GJB7: variants seen among roughly 807,000 people sequenced by gnomAD.
GJB7 encodes the protein gap junction protein beta 7, also known as gap junction beta-7 protein.
For missense variants in GJB7, 253 were observed against 256.8 expected (o/e 0.99, Z 0.10); for synonymous variants, 87 against 95.2 (o/e 0.91, Z 0.50).
chr6:87,323,261 TTTTGTTTTG>T (rs1367345149), intron 1 of GJB7, among the ~76,000 whole-genome samples: 2 of 126,328 alleles, frequency 1.6e-5, no homozygotes, highest in Non-Finnish European at 3.8e-5. Context: ...GATACTTTTG[TTTTGTTTTG>T]TTTATTTATT....
chr6:87,319,421 C>G (rs1776625978), intron 2 of GJB7, among the ~76,000 whole-genome samples: 1 of 152,198 alleles, frequency 6.6e-6, no homozygotes, highest in Non-Finnish European at 1.5e-5. Flanking sequence ...TGATCACTTT[C>G]TATTGATCAT....
At chr6:87,296,589 T>C (rs1263584746) in intron 2 of GJB7, among the ~76,000 whole-genome samples, 2 of 152,198 alleles carry the variant, frequency 1.3e-5, no homozygotes, top group Non-Finnish European at 2.9e-5. Context: ...GTCTGACAGG[T>C]AATAGGTATT....
At chr6:87,285,645 A>G (rs536719507) in intron 2 of GJB7, among the ~76,000 whole-genome samples, 2 of 152,252 alleles carry the variant, frequency 1.3e-5, no homozygotes, top group South Asian at 2.1e-4. Context: ...TTCTTGATCT[A>G]TCAGTTTTCT....
At chr6:87,297,342 T>C (rs1328165407) in intron 2 of GJB7, among the ~76,000 whole-genome samples, 1 of 152,224 alleles carries the variant, frequency 6.6e-6, no homozygotes, top group Non-Finnish European at 1.5e-5. Flanking sequence ...GATCAATGTC[T>C]CATTGCAATT....
At chr6:87,327,889 C>T (rs1208354520) in intron 1 of GJB7, among the ~76,000 whole-genome samples, 22 of 149,224 alleles carry the variant, frequency 1.5e-4, no homozygotes, top group African/African-American at 5.3e-4. Context: ...CTTTCAGGTA[C>T]ACCAATCAGA....
intron 1 of GJB7, among the ~76,000 whole-genome samples, chr6:87,327,485 A>G (rs1435575685): frequency 1.3e-5 from 2 of 151,400 alleles, no homozygotes; most frequent in African/African-American, 2.4e-5. Context: ...GCTTGTCTGT[A>G]AAGTATTTTA....
At chr6:87,311,106 A>G (rs1270744780) in intron 2 of GJB7, among the ~76,000 whole-genome samples, 1 of 152,242 alleles carries the variant, frequency 6.6e-6, no homozygotes, top group African/African-American at 2.4e-5. Context: ...ACAATGTGCT[A>G]CCACTACACA....
At chr6:87,305,743 A>T (rs1776416526) in intron 2 of GJB7, among the ~76,000 whole-genome samples, 1 of 152,234 alleles carries the variant, frequency 6.6e-6, no homozygotes, top group African/African-American at 2.4e-5. Flanking sequence ...AAAAGAACAA[A>T]GCTGGAGGCA....
At chr6:87,319,155 T>C (rs1433273154) in intron 2 of GJB7, among the ~76,000 whole-genome samples, 1 of 152,214 alleles carries the variant, frequency 6.6e-6, no homozygotes, top group Admixed American at 6.5e-5. Context: ...CCTGGAAATA[T>C]TATTAAATAT....
chr6:87,325,365 C>T (rs2127915544), intron 1 of GJB7, among the ~76,000 whole-genome samples: 1 of 143,578 alleles, frequency 7.0e-6, no homozygotes, highest in African/African-American at 2.7e-5. Context: ...GGGAATGCTT[C>T]CAGTTTTTGC....
At position 87,284,544 on chromosome 6, in the gene GJB7, A is replaced by AGCGTACCATAG; in HGVS notation, c.358_368dup (p.Leu125GlyfsTer35). The AGCGTACCATAG allele has an allele frequency of 6.2e-7, 1 of 1,614,132 alleles. No homozygotes were observed. The highest frequency in any genetic ancestry group is 8.5e-7 in the Non-Finnish European group (1 of 1,180,004). On this transcript the variant is annotated frameshift_variant, in exon 3 of 3. Transcript: ENST00000525899. LOFTEE classifies it low-confidence loss of function (END_TRUNC). ...TTTTAACAATGAGGCTGATAAGATA[A>AGCGTACCATAG]GCGTACCATAGGCCCCCATCCATTG...
rs757769870 is a variant in GJB7 at position 87,284,572 on chromosome 6, C to G, written c.341G>C (p.Gly114Ala). ...GTACCATAGGCCCCCATCCATTGTA[C>G]CTGGGCTGACATAGAGTTTCTTTCT... ...RHRKKLYVSP[G>A]TMDGGLWYAY... The change falls in exon 3 of 3, where the codon GGT becomes GCT. Residue 114 changes from glycine to alanine, a missense_variant. Transcript: ENST00000525899. 9 of 1,614,014 alleles carry G rather than the reference C, an allele frequency of 5.6e-6. No homozygotes were observed. The Admixed American group carries it at 1.0e-4, about 18-fold the overall frequency.
At chr6:87,285,082 G>T in intron 2 of GJB7, 143 bp from the exon 3 acceptor site, 1 of 606,400 alleles carries the variant, frequency 1.6e-6, no homozygotes, top group South Asian at 2.1e-5. Context: ...GAATCCCGAA[G>T]GATATGCTGT....
intron 2 of GJB7, among the ~76,000 whole-genome samples, chr6:87,303,721 C>A (rs1271624803): frequency 6.6e-6 from 1 of 152,208 alleles, no homozygotes; most frequent in Non-Finnish European, 1.5e-5. Flanking sequence ...ACAGAATATA[C>A]CTTCTTCTCA....
At chr6:87,285,029 A>C in intron 2 of GJB7, 90 bp from the exon 3 acceptor site, 1 of 818,146 alleles carries the variant, frequency 1.2e-6, no homozygotes, top group East Asian at 2.6e-5. Context: ...GATAAATTAC[A>C]ATTTCTGCAT....
At chr6:87,322,419 C>T (rs1776681908) in intron 2 of GJB7, 3 of 148,568 alleles carry the variant, frequency 2.0e-5, no homozygotes, top group Admixed American at 1.3e-4. Context: ...CACACTTCAG[C>T]CCGCAGACCC....
rs756299568 is a variant in GJB7 at position 87,284,722 on chromosome 6, C to T, written c.191G>A (p.Cys64Tyr). ...GGAAATGGGGAAGAAGTCATCAAAA[C>T]ACACATTTTTGCAACCGGGCTGTCT... ...NSRQPGCKNV[C>Y]FDDFFPISQV... The change falls in exon 3 of 3, where the codon TGT (cysteine) becomes TAT (tyrosine). Residue 64 changes from cysteine (C) to tyrosine (Y), a missense_variant. Cys to Tyr is a radical substitution (Grantham distance 194). Coordinates refer to ENST00000525899, the MANE Select transcript of GJB7 (RefSeq NM_198568.3). The T allele has an allele frequency of 1.2e-6, 2 of 1,614,150 alleles. No individual in the cohort carries two copies. The highest frequency in any genetic ancestry group is 1.1e-5 in the South Asian group (1 of 91,080).
intron 2 of GJB7, chr6:87,322,300 G>C (rs962022867): frequency 2.0e-5 from 3 of 152,222 alleles, no homozygotes; most frequent in Admixed American, 1.3e-4. Flanking sequence ...ACTTCTAGGA[G>C]ATGTCTCCTT....
At chr6:87,326,268 T>C (rs867184982) in intron 1 of GJB7, among the ~76,000 whole-genome samples, 13 of 152,176 alleles carry the variant, frequency 8.5e-5, no homozygotes, top group African/African-American at 3.1e-4. Context: ...CTATTTCCTT[T>C]AGTTGTGCTC....
Sources: allele counts gnomAD v4.1 joint callset (sites outside exome capture counted in the v4.1 genomes callset), GRCh38; gene constraint gnomAD v4.1.1; transcripts MANE v1.5; gene names NCBI Gene and HGNC (gene_info 2026-07-23, HGNC 2026-07-21).